CYB561D1: variants seen among roughly 807,000 people sequenced by gnomAD.
CYB561D1 encodes the protein cytochrome b561 family member D1.
A neutral mutation model predicts 19.2 loss-of-function variants in CYB561D1; 15 were observed. The observed-to-expected ratio is 0.78, with a 90% confidence interval of 0.52 to 1.20. The LOEUF (loss-of-function observed/expected upper bound fraction) is 1.20. Among genes scored for constraint, CYB561D1 ranks in the 50% most tolerant of loss-of-function variants. The pLI, the probability that CYB561D1 is intolerant of heterozygous loss-of-function variation, is 0.00. For synonymous variants in CYB561D1, 133 were observed against 120.6 expected, an observed-to-expected ratio of 1.10 and a Z score of -0.68; for missense variants, 297 against 287.3, an observed-to-expected ratio of 1.03 and a Z score of -0.24.
At position 109,497,291 on chromosome 1, in the gene CYB561D1, T is replaced by C. The variant is rs183397188; in HGVS notation, c.*1032T>C. 11 of 152,358 alleles carry C rather than the reference T, an allele frequency of 7.2e-5. No homozygotes were observed. The East Asian group carries it at 1.7e-3, about 24-fold the overall frequency. 9.4% of individuals were successfully genotyped at this position (152,358 alleles called of 1,614,324 possible). ...AGCTTCTGGGAGCTTTTTTGAAGCA[T>C]TTCATAAGGGCCAAGGAAGTGGGGC... is the stretch of plus-strand genomic sequence containing the variant. On this transcript the variant is annotated 3_prime_UTR_variant, in exon 3 of 3. Transcript: ENST00000420578.
Position 109,498,370 on chromosome 1 carries a change from C to T in CYB561D1, c.*2111C>T, listed in dbSNP as rs1338803138. ...ATTCTGCAGGAGGAAGGGGCCCCAG[C>T]TGTCGCCTTTCTGACCAGCAGGCCT... On this transcript the variant is annotated 3_prime_UTR_variant, in exon 3 of 3. Transcript: ENST00000420578. The T allele has an allele frequency of 6.6e-6, 1 of 152,506 alleles. No homozygotes were observed. The highest frequency in any genetic ancestry group is 1.5e-5 in the Non-Finnish European group (1 of 68,424). The allele number at this position is 152,506 out of a possible 1,614,324, so 9.4% of individuals were successfully genotyped here.
rs1281843305 is a variant in CYB561D1 at position 109,495,870 on chromosome 1, A to G, written c.301A>G (p.Ile101Val). The G allele has an allele frequency of 1.9e-6, 3 of 1,613,954 alleles. No homozygotes were observed. In the African/African-American group the frequency reaches 4.0e-5, roughly 22 times the overall value. Residue 101 changes from isoleucine (I) to valine (V), a missense_variant, in exon 3 of 3, where the codon ATC becomes GTC. Ile to Val is a conservative substitution (Grantham distance 29). Transcript: ENST00000420578. Reference sequence around the variant, plus strand: ...CCACTGGGCAGGGCAGACCCTAGCCATCCTCTGTGCAGCTCTGGGCCTGGG... The same window carrying G: ...CCACTGGGCAGGGCAGACCCTAGCCGTCCTCTGTGCAGCTCTGGGCCTGGG... ...RLHWAGQTLA[I>V]LCAALGLGFI...
intron 1 of CYB561D1, 166 bp downstream of exon 1, chr1:109,494,453 G>A: frequency 6.5e-7 from 1 of 1,548,506 alleles, no homozygotes; most frequent in Non-Finnish European, 8.7e-7. Flanking sequence ...AGGGATCCTG[G>A]AATAATGGGG....
In CYB561D1 at chr1:109,494,173, C is replaced by T. The variant is rs1370834565; in HGVS notation, c.34C>T (p.Pro12Ser). The T allele has an allele frequency of 6.5e-7, 1 of 1,548,562 alleles. No homozygotes were observed. Among genetic ancestry groups the T allele is most frequent in the Non-Finnish European group, 8.7e-7 (1 of 1,145,206 alleles). Residue 12 changes from proline (P) to serine (S), a missense_variant, in exon 1 of 3, where the codon CCA becomes TCA. Transcript: ENST00000420578. ...CCTGGAGGTAGGTCTGGTTCCCGCT[C>T]CAGCTGGGGAGCCGAGACTGACCCG... ...QPLEVGLVPA[P>S]AGEPRLTRWL...
Position 109,496,133 on chromosome 1 carries a change from A to G in CYB561D1, c.564A>G (p.Val188=), listed in dbSNP as rs752695244. ...CGGTGCTTCTGGGCATGTACTCAGT[A>G]TGGTTCCAGGCCCAGATCAAAGGTG... The part of the protein sequence containing the change: ...TVTVLLGMYS[V]WFQAQIKGAA... The change falls in exon 3 of 3, where the codon GTA becomes GTG. Residue 188 remains valine, a synonymous_variant. Coordinates refer to ENST00000420578, the MANE Select transcript of CYB561D1 (RefSeq NM_182580.3). 6.2e-7 allele frequency: 1 copy of G among 1,614,190 alleles called. No individual in the cohort carries two copies. The highest frequency in any genetic ancestry group is 8.5e-7 in the Non-Finnish European group (1 of 1,180,018).
rs749502924 is a variant in CYB561D1 at position 109,494,302 on chromosome 1, C to G, written c.148+15C>G. ...GCCAGGAACCAGTGAGTGTGCGGGG[C>G]GGGGTTGCGGAAGGGGGCGGAGTGG... On this transcript the variant is annotated intron_variant, in intron 1 of 2. Coordinates refer to ENST00000420578, the MANE Select transcript of CYB561D1 (RefSeq NM_182580.3). 1 of 1,568,328 alleles carries G rather than the reference C, an allele frequency of 6.4e-7. No homozygotes were observed. The highest frequency in any genetic ancestry group is 1.2e-5 in the South Asian group (1 of 85,062).
rs74971362 is a variant in CYB561D1, at chr1:109,496,469, G to C, written c.*210G>C. 1.4e-3 allele frequency: 668 copies of C among 469,944 alleles called. 7 individuals are homozygous for C. The highest frequency in any genetic ancestry group is 0.012 in the African/African-American group (628 of 50,562). The allele number at this position is 469,944 out of a possible 1,614,324, so 29.1% of individuals were successfully genotyped here. Reference sequence around the variant, plus strand: ...CTGGGTATGAGTGGAAGGTGATGGAGAGCCTGATCCTGAAGCCTCTACTTG... The same window carrying C: ...CTGGGTATGAGTGGAAGGTGATGGACAGCCTGATCCTGAAGCCTCTACTTG... On this transcript the variant is annotated 3_prime_UTR_variant, in exon 3 of 3. Transcript: ENST00000420578.
intron 1 of CYB561D1, 107 bp downstream of exon 1, chr1:109,494,394 G>T: frequency 6.5e-7 from 1 of 1,532,614 alleles, no homozygotes; most frequent in Non-Finnish European, 8.8e-7. Context: ...CAGTAAAGGG[G>T]AGACAGAAAC....
Position 109,496,144 on chromosome 1 carries a change from C to T in CYB561D1, c.575C>T (p.Ala192Val). 1 of 1,614,092 alleles carries T rather than the reference C, an allele frequency of 6.2e-7. No individual in the cohort carries two copies. Reference sequence around the variant, plus strand: ...GGCATGTACTCAGTATGGTTCCAGGCCCAGATCAAAGGTGCGGCCTGGTAC... The same window carrying T: ...GGCATGTACTCAGTATGGTTCCAGGTCCAGATCAAAGGTGCGGCCTGGTAC... Reference protein sequence around the residue: ...LLGMYSVWFQAQIKGAAWYLC... With the variant: ...LLGMYSVWFQVQIKGAAWYLC... Residue 192 changes from alanine (A) to valine (V), a missense_variant, in exon 3 of 3, where the codon GCC (alanine) becomes GTC (valine). Coordinates refer to ENST00000420578, the MANE Select transcript of CYB561D1 (RefSeq NM_182580.3).
Position 109,495,160 on chromosome 1 carries a change from C to T in CYB561D1, c.166C>T (p.Pro56Ser), listed in dbSNP as rs940452127. The change falls in exon 2 of 3, where the codon CCT (proline) becomes TCT (serine). Residue 56 changes from proline (P) to serine (S), a missense_variant. Physicochemically the swap from Pro to Ser is moderately conservative, Grantham distance 74. Coordinates refer to ENST00000420578, the MANE Select transcript of CYB561D1 (RefSeq NM_182580.3). The part of the protein sequence containing the change: ...RPGTSLFSWH[P>S]VFMALAFCLC... ...ATTCTTAGGTCTTTTCTCCTGGCAC[C>T]CTGTATTCATGGCCTTGGCGGTGAG... 6.2e-7 allele frequency: 1 copy of T among 1,614,180 alleles called. No individual in the cohort carries two copies. The highest frequency in any genetic ancestry group is 1.6e-4 in the Middle Eastern group (1 of 6,062).
chr1:109,496,223 C>G lies in CYB561D1; in HGVS notation c.654C>G (p.Ser218=), dbSNP rs368163522. The G allele has an allele frequency of 1.9e-6, 3 of 1,578,932 alleles. No individual in the cohort carries two copies. Among genetic ancestry groups the G allele is most frequent in the East Asian group, 2.3e-5 (1 of 44,036 alleles). The change falls in exon 3 of 3, where the codon TCC becomes TCG. Residue 218 remains serine (S), a synonymous_variant. Coordinates refer to ENST00000420578, the MANE Select transcript of CYB561D1 (RefSeq NM_182580.3). ...YPALVIMHQI[S]RSYLPRKKME... is the part of the protein sequence containing the mutation. ...CCCTGGTGATCATGCACCAGATTTC[C>G]AGATCCTACTTGCCGAGGAAGAAAA...
chr1:109,494,347 C>A, intron 1 of CYB561D1, 60 bp downstream of exon 1: 2 of 1,522,546 alleles, frequency 1.3e-6, no homozygotes, highest in Non-Finnish European at 1.8e-6. Flanking sequence ...AGGGGCAGCG[C>A]TTGGGAGCCC....
At chr1:109,495,695 T>C (rs1657489045) in intron 2 of CYB561D1, 61 bp from the exon 3 acceptor site, 1 of 1,613,770 alleles carries the variant, frequency 6.2e-7, no homozygotes, top group Admixed American at 1.7e-5. Flanking sequence ...TGAGAGCACC[T>C]CCTTTTTCTC....
chr1:109,494,458 A>G (rs1657372885), intron 1 of CYB561D1, 171 bp downstream of exon 1: 2 of 1,545,820 alleles, frequency 1.3e-6, no homozygotes, highest in Non-Finnish European at 8.7e-7. Flanking sequence ...TCCTGGAATA[A>G]TGGGGTTTTG....
rs907683295 is a variant in CYB561D1 at position 109,494,312 on chromosome 1, G to A, written c.148+25G>A. 37 of 1,559,168 alleles carry A rather than the reference G, an allele frequency of 2.4e-5. No individual in the cohort carries two copies. In the Middle Eastern group the frequency reaches 6.8e-4, roughly 29 times the overall value. ...AGTGAGTGTGCGGGGCGGGGTTGCGGAAGGGGGCGGAGTGGAGATGCTGGA... is the reference window on the plus strand; with the variant it reads ...AGTGAGTGTGCGGGGCGGGGTTGCGAAAGGGGGCGGAGTGGAGATGCTGGA... On this transcript the variant is annotated intron_variant, in intron 1 of 2. Transcript: ENST00000420578.
chr1:109,497,456 G>A lies in CYB561D1; in HGVS notation c.*1197G>A, dbSNP rs1040254825. 4.6e-5 allele frequency: 7 copies of A among 152,266 alleles called. No homozygotes were observed. The highest frequency in any genetic ancestry group is 1.7e-4 in the African/African-American group (7 of 41,428). The allele number at this position is 152,266 out of a possible 1,614,324, so 9.4% of individuals were successfully genotyped here. On this transcript the variant is annotated 3_prime_UTR_variant, in exon 3 of 3. Coordinates refer to ENST00000420578, the MANE Select transcript of CYB561D1 (RefSeq NM_182580.3). ...AGTTTGGTGCCAGCTGGCAAATGAG[G>A]GCTGGACTCTCTTCCCTCCAGAGAC...
chr1:109,496,091 C>G lies in CYB561D1; in HGVS notation c.522C>G (p.Tyr174Ter). 1 of 1,614,184 alleles carries G rather than the reference C, an allele frequency of 6.2e-7. No individual in the cohort carries two copies. The highest frequency in any genetic ancestry group is 8.5e-7 in the Non-Finnish European group (1 of 1,180,018). ...ATCTGACATGTGGACTGGTGGTCTA[C>G]CTGATGGCTACAGTAACGGTGCTTC... ...LYHLTCGLVV[Y>*]LMATVTVLLG... Residue 174 changes from tyrosine to a stop codon, truncating the protein, a stop_gained, in exon 3 of 3, where the codon TAC becomes TAG. Transcript: ENST00000420578. LOFTEE classifies it high-confidence loss of function.
rs138760073 is a variant in CYB561D1 at position 109,494,973 on chromosome 1, G to C, written c.149-170G>C. On this transcript the variant is annotated intron_variant, in intron 1 of 2. Transcript: ENST00000420578. Reference sequence around the variant, plus strand: ...TGTGTGTGGATAAGGAGGCCCTCTTGGTTGCTCACCCTGGGGCTCCTTGGC... The same window carrying C: ...TGTGTGTGGATAAGGAGGCCCTCTTCGTTGCTCACCCTGGGGCTCCTTGGC... Among the ~76,000 whole-genome samples, 158 of 152,318 alleles carry C rather than the reference G, an allele frequency of 1.0e-3. 1 individual carries two copies. Among genetic ancestry groups the C allele is most frequent in the Non-Finnish European group, 1.8e-3 (122 of 68,028 alleles).
rs780932256 is a variant in CYB561D1 at position 109,496,163 on chromosome 1, C to A, written c.594C>A (p.Ala198=). Residue 198 remains alanine (A), a synonymous_variant, in exon 3 of 3, where the codon GCC becomes GCA. Coordinates refer to ENST00000420578, the MANE Select transcript of CYB561D1 (RefSeq NM_182580.3). The part of the protein sequence containing the change: ...VWFQAQIKGA[A]WYLCLALPVY... ...TCCAGGCCCAGATCAAAGGTGCGGCCTGGTACCTGTGCCTGGCACTGCCCG... is the reference window on the plus strand; with the variant it reads ...TCCAGGCCCAGATCAAAGGTGCGGCATGGTACCTGTGCCTGGCACTGCCCG... 6.2e-7 allele frequency: 1 copy of A among 1,613,368 alleles called. No individual in the cohort carries two copies. The highest frequency in any genetic ancestry group is 1.7e-5 in the Admixed American group (1 of 60,006).
Sources: allele counts gnomAD v4.1 joint callset (sites outside exome capture counted in the v4.1 genomes callset), GRCh38; gene constraint gnomAD v4.1.1; transcripts MANE v1.5; gene names NCBI Gene and HGNC (gene_info 2026-07-23, HGNC 2026-07-21).